The following PHACTR1 variants were observed in gnomAD, a reference collection of about 807,000 sequenced individuals.
The protein encoded by PHACTR1 is phosphatase and actin regulator 1.
PHACTR1 carries 16 observed loss-of-function variants against 69.2 expected under a neutral mutation model. The observed-to-expected ratio is 0.23, with a 90% CI of 0.16 to 0.35. PHACTR1 has a LOEUF of 0.35. Ranked by LOEUF, PHACTR1 falls within the 10% of genes least tolerant of loss-of-function variation. The pLI is 1.00. For missense variants in PHACTR1, 510 were observed against 734.7 expected, an observed-to-expected ratio of 0.69 and a Z score of 3.54; for synonymous variants, 312 against 284.5, an observed-to-expected ratio of 1.10 and a Z score of -0.97.
intron 7 of PHACTR1, among the ~76,000 whole-genome samples, chr6:13,194,429 AAAAG>A (rs1204294947): frequency 7.8e-5 from 10 of 128,492 alleles, no homozygotes; most frequent in Admixed American, 7.3e-4. Context: ...AAAGAAAGGA[AAAAG>A]AAAAGAGAGC....
chr6:13,156,173 T>G (rs1410930731), intron 5 of PHACTR1, among the ~76,000 whole-genome samples: 2 of 152,172 alleles, frequency 1.3e-5, no homozygotes, highest in African/African-American at 4.8e-5. Flanking sequence ...TCCTTGTAAA[T>G]TGGGAATGAT....
At chr6:13,060,634 C>T (rs756406128) in intron 5 of PHACTR1, among the ~76,000 whole-genome samples, 27 of 152,098 alleles carry the variant, frequency 1.8e-4, no homozygotes, top group South Asian at 4.2e-4. Context: ...CAGCAGTAGA[C>T]AGAATAATAC....
intron 4 of PHACTR1, among the ~76,000 whole-genome samples, chr6:12,917,560 C>G (rs1311471096): frequency 1.3e-5 from 2 of 152,082 alleles, no homozygotes; most frequent in South Asian, 2.1e-4. Context: ...TGAGACAAGC[C>G]TGGGCAACAA....
chr6:12,789,773 A>G (rs1337384195), intron 4 of PHACTR1, among the ~76,000 whole-genome samples: 3 of 149,170 alleles, frequency 2.0e-5, no homozygotes, highest in South Asian at 2.1e-4. Context: ...TTATTTTTTT[A>G]TTTTATTTTA....
At chr6:13,145,096 C>T (rs538297105) in intron 5 of PHACTR1, among the ~76,000 whole-genome samples, 12 of 152,302 alleles carry the variant, frequency 7.9e-5, no homozygotes, top group South Asian at 2.1e-4. Context: ...GCATATCCTC[C>T]GTGAGCATGT....
At chr6:12,926,418 G>C (rs1363648600) in intron 4 of PHACTR1, among the ~76,000 whole-genome samples, 1 of 152,106 alleles carries the variant, frequency 6.6e-6, no homozygotes, top group East Asian at 1.9e-4. Context: ...GTTAACCAAT[G>C]ACTTCCAAAT....
intron 5 of PHACTR1, among the ~76,000 whole-genome samples, chr6:13,093,948 G>A (rs960810893): frequency 1.3e-5 from 2 of 152,066 alleles, no homozygotes; most frequent in African/African-American, 2.4e-5. Flanking sequence ...CACAACTCAC[G>A]GAAGCCTTAA....
At chr6:12,923,303 T>TG (rs1562015496) in intron 4 of PHACTR1, among the ~76,000 whole-genome samples, 1 of 152,218 alleles carries the variant, frequency 6.6e-6, no homozygotes, top group African/African-American at 2.4e-5. Context: ...GTAAAAAAGA[T>TG]GTATGATTGA....
chr6:13,015,136 C>T (rs533447198), intron 4 of PHACTR1, among the ~76,000 whole-genome samples: 1 of 152,354 alleles, frequency 6.6e-6, no homozygotes, highest in African/African-American at 2.4e-5. Flanking sequence ...TTTGCTGTTC[C>T]TTTTGGAAGA....
intron 4 of PHACTR1, among the ~76,000 whole-genome samples, chr6:12,800,119 A>G: frequency 6.6e-6 from 1 of 152,336 alleles, no homozygotes; most frequent in East Asian, 1.9e-4. Flanking sequence ...TCATTACCCC[A>G]TAGAAAAATG....
chr6:13,033,049 C>T (rs562813090), intron 4 of PHACTR1, among the ~76,000 whole-genome samples: 74 of 152,124 alleles, frequency 4.9e-4, no homozygotes, highest in Non-Finnish European at 9.4e-4. Flanking sequence ...TTCTCTTTCC[C>T]CACTCTTATG....
intron 6 of PHACTR1, among the ~76,000 whole-genome samples, chr6:13,182,059 C>G (rs1328434065): frequency 6.6e-6 from 1 of 152,090 alleles, no homozygotes; most frequent in East Asian, 1.9e-4. Context: ...CATGGAGAAA[C>G]TCCATCTCTA....
At chr6:12,855,311 A>T (rs1727014888) in intron 4 of PHACTR1, among the ~76,000 whole-genome samples, 2 of 152,078 alleles carry the variant, frequency 1.3e-5, no homozygotes, top group African/African-American at 4.8e-5. Flanking sequence ...GACTAGCTGG[A>T]TGTGGTGGTG....
At chr6:13,028,879 G>A (rs1802057021) in intron 4 of PHACTR1, among the ~76,000 whole-genome samples, 1 of 152,174 alleles carries the variant, frequency 6.6e-6, no homozygotes, top group Non-Finnish European at 1.5e-5. Flanking sequence ...TCTAGGAGGA[G>A]GCTTTGTATG....
In PHACTR1 at chr6:13,263,670, A is replaced by G. The variant is rs531424725; in HGVS notation, c.1392-9190A>G. 5.9e-5 allele frequency among the ~76,000 whole-genome samples: 9 copies of G among 152,278 alleles called. No individual in the cohort carries two copies. In the South Asian group the frequency reaches 8.3e-4, roughly 14 times the overall value. ...AAATCATTGCCTTTGACACCTAGCAAAGTGATCACGTTTAGATATACAGTC... is the reference window on the plus strand; with the variant it reads ...AAATCATTGCCTTTGACACCTAGCAGAGTGATCACGTTTAGATATACAGTC... On this transcript the variant is annotated intron_variant, in intron 10 of 14. Coordinates refer to ENST00000332995, the MANE Select transcript of PHACTR1 (RefSeq NM_030948.6).
chr6:12,874,500 G>A (rs957508935), intron 4 of PHACTR1, among the ~76,000 whole-genome samples: 9 of 152,192 alleles, frequency 5.9e-5, no homozygotes, highest in East Asian at 1.9e-4. Flanking sequence ...GGGTTATACC[G>A]TAGACACCCT....
chr6:13,137,837 T>C (rs1821794478), intron 5 of PHACTR1, among the ~76,000 whole-genome samples: 1 of 152,242 alleles, frequency 6.6e-6, no homozygotes. Flanking sequence ...AAAGTCGGCT[T>C]GGGCCTCCTG....
chr6:13,136,483 A>G (rs536148872), intron 5 of PHACTR1, among the ~76,000 whole-genome samples: 15 of 152,176 alleles, frequency 9.9e-5, no homozygotes, highest in Non-Finnish European at 1.9e-4. Flanking sequence ...CTTCTATCCA[A>G]ACTATTTAGA....
intron 4 of PHACTR1, among the ~76,000 whole-genome samples, chr6:12,930,992 A>C (rs1013775365): frequency 1.4e-5 from 2 of 146,072 alleles, no homozygotes; most frequent in East Asian, 4.0e-4. Flanking sequence ...AACAAGAGCA[A>C]AACTCTGTCT....
Sources: allele counts gnomAD v4.1 joint callset (sites outside exome capture counted in the v4.1 genomes callset), GRCh38; gene constraint gnomAD v4.1.1; transcripts MANE v1.5; gene names NCBI Gene and HGNC (gene_info 2026-07-23, HGNC 2026-07-21).